The following SSBP2 variants were observed in gnomAD, a reference collection of about 807,000 sequenced individuals.
The protein encoded by SSBP2 is single stranded DNA binding protein 2.
In SSBP2, 17 loss-of-function variants were observed where a neutral mutation model predicts 61.8. The ratio of observed to expected loss-of-function variants is 0.28; its 90% CI spans 0.19 to 0.41. The LOEUF is 0.41. Among genes scored for constraint, SSBP2 ranks in the 10% least tolerant of loss-of-function variants. The probability of loss-of-function intolerance (pLI) is 1.00; values close to 1 mark genes in which losing one functional copy is unlikely to be tolerated. For missense variants in SSBP2, 310 were observed against 458.7 expected, an observed-to-expected ratio of 0.68 and a Z score of 2.96; for synonymous variants, 139 against 141.3, an observed-to-expected ratio of 0.98 and a Z score of 0.12.
At chr5:81,475,400 T>C (rs1440981155) in intron 6 of SSBP2, among the ~76,000 whole-genome samples, 1 of 152,124 alleles carries the variant, frequency 6.6e-6, no homozygotes, top group Non-Finnish European at 1.5e-5. Flanking sequence ...ATCAGAACTG[T>C]TTCCTAAATT....
At chr5:81,470,412 A>C (rs2154019353) in intron 8 of SSBP2, among the ~76,000 whole-genome samples, 1 of 151,940 alleles carries the variant, frequency 6.6e-6, no homozygotes, top group Non-Finnish European at 1.5e-5. Flanking sequence ...CTGTATTTAG[A>C]TTTAAAATAG....
At chr5:81,650,147 CG>C in intron 2 of SSBP2, 119 bp downstream of exon 2, 1 of 661,520 alleles carries the variant, frequency 1.5e-6, no homozygotes, top group Non-Finnish European at 2.5e-6. Context: ...ACTATGTATA[CG>C]GATAACTAGG....
intron 4 of SSBP2, among the ~76,000 whole-genome samples, chr5:81,562,173 T>G (rs769455723): frequency 1.7e-4 from 26 of 152,184 alleles, no homozygotes; most frequent in Admixed American, 6.5e-4. Context: ...CCCAAAGTGC[T>G]GGGATTACAG....
intron 5 of SSBP2, among the ~76,000 whole-genome samples, chr5:81,510,589 T>C (rs928899421): frequency 1.3e-5 from 2 of 151,904 alleles, no homozygotes; most frequent in East Asian, 1.9e-4. Context: ...GGGGAAACCC[T>C]GTCTCTACTA....
intron 4 of SSBP2, among the ~76,000 whole-genome samples, chr5:81,522,125 A>G (rs1250053773): frequency 6.6e-6 from 1 of 152,096 alleles, no homozygotes; most frequent in East Asian, 1.9e-4. Context: ...AGAAATATTC[A>G]AAGTAACCCA....
At chr5:81,704,441 G>A (rs959738917) in intron 1 of SSBP2, among the ~76,000 whole-genome samples, 4 of 151,912 alleles carry the variant, frequency 2.6e-5, no homozygotes, top group African/African-American at 7.3e-5. Flanking sequence ...ACACATGCTC[G>A]CACACATATA....
chr5:81,724,426 T>C (rs1755739841), intron 1 of SSBP2, among the ~76,000 whole-genome samples: 1 of 152,036 alleles, frequency 6.6e-6, no homozygotes, highest in African/African-American at 2.4e-5. Context: ...GGGGGAGGAC[T>C]TGCCCTATCA....
intron 5 of SSBP2, among the ~76,000 whole-genome samples, chr5:81,496,858 G>A (rs1767325722): frequency 6.6e-6 from 1 of 152,112 alleles, no homozygotes; most frequent in African/African-American, 2.4e-5. Flanking sequence ...TATGTACCAG[G>A]CTCATTTTAT....
intron 15 of SSBP2, among the ~76,000 whole-genome samples, chr5:81,432,190 A>G (rs886837712): frequency 6.6e-6 from 1 of 152,116 alleles, no homozygotes; most frequent in African/African-American, 2.4e-5. Context: ...CAAATGAGCT[A>G]GAACTCAGGT....
At chr5:81,688,988 G>A (rs1017016740) in intron 1 of SSBP2, among the ~76,000 whole-genome samples, 7 of 151,892 alleles carry the variant, frequency 4.6e-5, no homozygotes, top group Non-Finnish European at 8.8e-5. Flanking sequence ...ACACAGAGAA[G>A]GAACTCAGAA....
At chr5:81,643,947 T>C (rs1749045001) in intron 2 of SSBP2, among the ~76,000 whole-genome samples, 1 of 152,178 alleles carries the variant, frequency 6.6e-6, no homozygotes, top group African/African-American at 2.4e-5. Flanking sequence ...CAATAGATGT[T>C]TAACAGGAAG....
At chr5:81,518,072 G>A (rs1769173608) in intron 4 of SSBP2, among the ~76,000 whole-genome samples, 1 of 152,030 alleles carries the variant, frequency 6.6e-6, no homozygotes, top group African/African-American at 2.4e-5. Context: ...AGAACTGTTT[G>A]CCTAATTATA....
chr5:81,743,498 A>G (rs1011950938), intron 1 of SSBP2, among the ~76,000 whole-genome samples: 88 of 152,238 alleles, frequency 5.8e-4, no homozygotes, highest in African/African-American at 1.9e-3. Flanking sequence ...GCTTATTATT[A>G]TATATTTCTC....
intron 3 of SSBP2, among the ~76,000 whole-genome samples, chr5:81,622,436 C>G (rs1165410788): frequency 2.0e-5 from 3 of 152,170 alleles, no homozygotes; most frequent in African/African-American, 4.8e-5. Context: ...GGCACTGGAG[C>G]AGGACATATC....
chr5:81,497,438 C>T lies in SSBP2; in HGVS notation c.373-8129G>A, dbSNP rs145104435. Among the ~76,000 whole-genome samples, 346 of 152,162 alleles carry T rather than the reference C, an allele frequency of 2.3e-3. 1 individual carries two copies. Among genetic ancestry groups the T allele is most frequent in the African/African-American group, 7.9e-3 (327 of 41,518 alleles). On this transcript the variant is annotated intron_variant, in intron 5 of 16. Transcript: ENST00000320672. Reference sequence around the variant, plus strand: ...CAACCCTAATGGAAGACTAAAAGCCCGCAAAAGATATAATAAAGCTTGGTC... The same window carrying T: ...CAACCCTAATGGAAGACTAAAAGCCTGCAAAAGATATAATAAAGCTTGGTC...
intron 15 of SSBP2, among the ~76,000 whole-genome samples, chr5:81,432,371 A>G (rs1440952995): frequency 6.6e-6 from 1 of 152,242 alleles, no homozygotes; most frequent in African/African-American, 2.4e-5. Context: ...CTTCTCACAT[A>G]CATGTGTTTT....
chr5:81,512,041 T>C (rs1161668449), intron 5 of SSBP2, among the ~76,000 whole-genome samples: 1 of 152,190 alleles, frequency 6.6e-6, no homozygotes, highest in Non-Finnish European at 1.5e-5. Context: ...CTCCCCAAAC[T>C]GCTCCCTCTT....
intron 4 of SSBP2, among the ~76,000 whole-genome samples, chr5:81,614,043 T>C (rs1414790210): frequency 6.6e-6 from 1 of 152,162 alleles, no homozygotes; most frequent in African/African-American, 2.4e-5. Context: ...GCACTCTCAC[T>C]TGAATAAGGT....
intron 5 of SSBP2, among the ~76,000 whole-genome samples, chr5:81,507,373 C>T (rs1199906574): frequency 1.3e-5 from 2 of 152,058 alleles, no homozygotes; most frequent in Non-Finnish European, 2.9e-5. Context: ...AAATTTACAA[C>T]CCAACATCAA....
Sources: gnomAD v4.1 joint callset for allele counts (sites outside exome capture counted in the v4.1 genomes callset) on GRCh38, gnomAD v4.1.1 for gene constraint, MANE v1.5 for transcripts, NCBI Gene and HGNC (gene_info 2026-07-23, HGNC 2026-07-21) for gene names.